Variants in ERICH6B observed in about 807,000 individuals in gnomAD.
ERICH6B encodes glutamate-rich protein 6B.
A neutral mutation model predicts 80.0 loss-of-function variants in ERICH6B; 69 were observed. The observed-to-expected ratio is 0.86, with a 90% CI of 0.71 to 1.05. The LOEUF (loss-of-function observed/expected upper bound fraction) is 1.05, where lower values mean the gene tolerates loss of function less well. ERICH6B is among the 50% of genes least tolerant of loss of function. The probability of loss-of-function intolerance (pLI) is 0.00; values close to 1 mark genes in which losing one functional copy is unlikely to be tolerated. For synonymous variants in ERICH6B, 283 were observed against 291.9 expected (o/e 0.97, Z 0.31); for missense variants, 754 against 796.1 (o/e 0.95, Z 0.64).
chr13:45,544,901 A>T lies in ERICH6B; in HGVS notation c.1731T>A (p.His577Gln). 1.3e-6 allele frequency: 2 copies of T among 1,551,708 alleles called. No homozygotes were observed. ...KAWNWWNLNI[H>Q]VHAPPVQPIS... ...TGGGCTGGACAGGGGGTGCGTGGAC[A>T]TGGATGTTCAGATTCCACCAGTTCC... Residue 577 changes from histidine (H) to glutamine (Q), a missense_variant, in exon 14 of 15, where the codon CAT (histidine) becomes CAA (glutamine). Coordinates refer to ENST00000298738, the MANE Select transcript of ERICH6B (RefSeq NM_182542.3).
At chr13:45,576,826 C>A (rs147922520) in intron 7 of ERICH6B, among the ~76,000 whole-genome samples, 2 of 152,098 alleles carry the variant, frequency 1.3e-5, no homozygotes, top group African/African-American at 4.8e-5. Context: ...CAGAAACATT[C>A]GAGTCAATGT....
chr13:45,580,048 G>A, intron 6 of ERICH6B, 74 bp from the exon 7 acceptor site: 1 of 1,228,954 alleles, frequency 8.1e-7, no homozygotes, highest in Non-Finnish European at 1.2e-6. Context: ...ATCCCTTATG[G>A]AATCAATTTA....
At chr13:45,549,307 G>A (rs1202556006) in intron 13 of ERICH6B, among the ~76,000 whole-genome samples, 1 of 151,470 alleles carries the variant, frequency 6.6e-6, no homozygotes, top group Non-Finnish European at 1.5e-5. Context: ...GTATATATAA[G>A]TCCCCACACC....
chr13:45,590,217 T>C (rs1325688), intron 4 of ERICH6B, among the ~76,000 whole-genome samples: 60,014 of 150,802 alleles, frequency 0.4, 13,871 homozygotes, highest in Non-Finnish European at 0.52. Flanking sequence ...TGCCAAGTCC[T>C]GTCACAAGAT....
rs1949864438 is a variant in ERICH6B, at chr13:45,606,531, A to ATATG, written c.-59+1032_-59+1033insCATA. On this transcript the variant is annotated intron_variant, in intron 2 of 14. Coordinates refer to ENST00000298738, the MANE Select transcript of ERICH6B (RefSeq NM_182542.3). Reference sequence around the variant, plus strand: ...TATATATATATATATATATATATATATATATATATATATATATTTTTTTTT... The same window carrying ATATG: ...TATATATATATATATATATATATATATATGTATATATATATATATATTTTTTTTT... 2.1e-4 allele frequency among the ~76,000 whole-genome samples: 9 copies of ATATG among 43,254 alleles called. No individual in the cohort carries two copies. In the South Asian group the frequency reaches 8.5e-3, roughly 41 times the overall value. The allele number at this position is 43,254 out of a possible 152,430, so 28.4% of individuals were successfully genotyped here.
At chr13:45,588,147 T>C (rs1002944608) in intron 4 of ERICH6B, among the ~76,000 whole-genome samples, 1 of 152,068 alleles carries the variant, frequency 6.6e-6, no homozygotes, top group African/African-American at 2.4e-5. Context: ...GGGCAGCGCA[T>C]GGGGTAAGGG....
Position 45,603,770 on chromosome 13 carries a change from C to T in ERICH6B, c.-59+3794G>A, listed in dbSNP as rs114039267. ...TAACCTGCCATCCTTTCCCCTTTGT[C>T]CCCAGAGCACCTCTCACCATCTAAT... On this transcript the variant is annotated intron_variant, in intron 2 of 14. Transcript: ENST00000298738. 3.8e-3 allele frequency among the ~76,000 whole-genome samples: 580 copies of T among 152,264 alleles called. 6 individuals are homozygous for T. Among genetic ancestry groups the T allele is most frequent in the African/African-American group, 0.014 (567 of 41,554 alleles).
intron 11 of ERICH6B, among the ~76,000 whole-genome samples, chr13:45,560,825 G>A (rs1874640883): frequency 6.6e-6 from 1 of 152,114 alleles, no homozygotes; most frequent in Non-Finnish European, 1.5e-5. Flanking sequence ...ATATTTAATT[G>A]TATGAATGTA....
At chr13:45,615,519 CAAAG>C (rs1949922930) in intron 1 of ERICH6B, among the ~76,000 whole-genome samples, 162 bp downstream of exon 1, 3 of 152,358 alleles carry the variant, frequency 2.0e-5, no homozygotes, top group Admixed American at 2.0e-4. Flanking sequence ...GCGAGAGAAA[CAAAG>C]AAGTCTATGT....
intron 13 of ERICH6B, among the ~76,000 whole-genome samples, chr13:45,546,995 C>T (rs1242494598): frequency 6.6e-6 from 1 of 152,204 alleles, no homozygotes; most frequent in Non-Finnish European, 1.5e-5. Flanking sequence ...AGGCTATATA[C>T]ATACTGAAAT....
In ERICH6B at chr13:45,578,145, G is replaced by A. The variant is rs137887138; in HGVS notation, c.961+1788C>T. Among the ~76,000 whole-genome samples the A allele has an allele frequency of 3.2e-3, 484 of 152,226 alleles. 3 individuals are homozygous for A. Among genetic ancestry groups the A allele is most frequent in the African/African-American group, 0.011 (465 of 41,536 alleles). On this transcript the variant is annotated intron_variant, in intron 7 of 14. Transcript: ENST00000298738. ...CTACCCTCAATATCTGATCTCCCTC[G>A]ATATCTAATGAGGTTCTTCATCCTC...
chr13:45,576,637 C>T (rs975719464), intron 7 of ERICH6B, among the ~76,000 whole-genome samples: 3 of 152,084 alleles, frequency 2.0e-5, no homozygotes, highest in African/African-American at 7.2e-5. Flanking sequence ...ATGTGCCTGC[C>T]AGAGATGGAG....
At chr13:45,570,862 T>C (rs34705936) in intron 8 of ERICH6B, among the ~76,000 whole-genome samples, 8,858 of 145,112 alleles carry the variant, frequency 0.061, 523 homozygotes, top group African/African-American at 0.14. Context: ...ATTCGCTCCA[T>C]TGCAGCTGCA....
intron 4 of ERICH6B, among the ~76,000 whole-genome samples, 161 bp downstream of exon 4, chr13:45,590,488 T>A (rs1453692917): frequency 6.6e-6 from 1 of 151,992 alleles, no homozygotes; most frequent in African/African-American, 2.4e-5. Context: ...AGTGACTGAG[T>A]GGCAGAGGCG....
chr13:45,589,052 C>T (rs1461457960), intron 4 of ERICH6B, among the ~76,000 whole-genome samples: 1 of 150,248 alleles, frequency 6.7e-6, no homozygotes, highest in Non-Finnish European at 1.5e-5. Flanking sequence ...GGACACATGA[C>T]ATGCTTGATC....
In ERICH6B at chr13:45,568,441, CT is replaced by C; in HGVS notation, c.1060del (p.Ser354AlafsTer10). On this transcript the variant is annotated frameshift_variant, in exon 9 of 15. Transcript: ENST00000298738. LOFTEE classifies it high-confidence loss of function. Reference protein sequence around the residue: ...VEDLDENFLNSSYQTVFKTII... With the variant: ...VEDLDENFLNXSYQTVFKTII... ...TGTTTTAAATACTGTCTGATAGGAG[CT>C]GTTCAAAAACTACAAAAGGATCAAA... 6.6e-7 allele frequency: 1 copy of C among 1,523,038 alleles called. No homozygotes were observed. Among genetic ancestry groups the C allele is most frequent in the Non-Finnish European group, 8.8e-7 (1 of 1,136,946 alleles). 94.3% of individuals were successfully genotyped at this position (1,523,038 alleles called of 1,614,324 possible). A position where few individuals can be genotyped will look rare whatever the true frequency, so the allele number is the denominator to read the frequency against.
At chr13:45,568,607 C>A (rs1384923853) in intron 8 of ERICH6B, among the ~76,000 whole-genome samples, 156 bp from the exon 9 acceptor site, 1 of 152,092 alleles carries the variant, frequency 6.6e-6, no homozygotes, top group Non-Finnish European at 1.5e-5. Context: ...GGGAGAGCAA[C>A]AGAAAGGATA....
At chr13:45,554,716 G>C (rs1009515941) in intron 11 of ERICH6B, among the ~76,000 whole-genome samples, 1 of 152,218 alleles carries the variant, frequency 6.6e-6, no homozygotes, top group Non-Finnish European at 1.5e-5. Context: ...TAGGAGGCAA[G>C]AGCTTAAAGT....
At chr13:45,559,712 C>T (rs1874587752) in intron 11 of ERICH6B, among the ~76,000 whole-genome samples, 1 of 151,964 alleles carries the variant, frequency 6.6e-6, no homozygotes, top group Admixed American at 6.6e-5. Context: ...TTTGAGTATT[C>T]CTTTTGGAGT....
Sources: gnomAD v4.1 joint callset for allele counts (sites outside exome capture counted in the v4.1 genomes callset) on GRCh38, gnomAD v4.1.1 for gene constraint, MANE v1.5 for transcripts, NCBI Gene and HGNC (gene_info 2026-07-23, HGNC 2026-07-21) for gene names.